The following DLC1 variants were observed in gnomAD, a reference collection of about 807,000 sequenced individuals.
DLC1 encodes the protein DLC1 Rho GTPase activating protein.
A neutral mutation model predicts 140.3 loss-of-function variants in DLC1; 54 were observed. The observed-to-expected ratio is 0.38, with a 90% confidence interval of 0.31 to 0.48. DLC1 has a LOEUF of 0.48. DLC1 is among the 20% of genes least tolerant of loss of function. The pLI is 0.96. For missense variants in DLC1, 2,536 were observed against 1,907.0 expected, an observed-to-expected ratio of 1.33 and a Z score of -6.14; for synonymous variants, 986 against 728.1, an observed-to-expected ratio of 1.35 and a Z score of -5.70.
At chr8:13,336,816 A>C (rs1440647040) in intron 4 of DLC1, among the ~76,000 whole-genome samples, 1 of 152,180 alleles carries the variant, frequency 6.6e-6, no homozygotes, top group Non-Finnish European at 1.5e-5. Flanking sequence ...ACCCAAATAT[A>C]AATGGATATT....
At chr8:13,574,981 A>G (rs6991590) in intron 1 of DLC1, among the ~76,000 whole-genome samples, 36,428 of 152,130 alleles carry the variant, frequency 0.24, 4,519 homozygotes, top group Middle Eastern at 0.3. Flanking sequence ...CTCTCCCTCA[A>G]TTTTGCCTAA....
chr8:13,466,724 A>G (rs1369162684), intron 2 of DLC1, among the ~76,000 whole-genome samples: 3 of 152,320 alleles, frequency 2.0e-5, no homozygotes, highest in Non-Finnish European at 2.9e-5. Flanking sequence ...CTCTTTCCTA[A>G]CTGATCTTCC....
At chr8:13,173,398 A>AGTCTTG (rs1825593669) in intron 5 of DLC1, among the ~76,000 whole-genome samples, 1 of 93,912 alleles carries the variant, frequency 1.1e-5, no homozygotes, top group Non-Finnish European at 1.9e-5. Flanking sequence ...TTTGAGACGG[A>AGTCTTG]GTCTTGCTCT....
chr8:13,568,002 A>T, intron 1 of DLC1: 1 of 1,471,354 alleles, frequency 6.8e-7, no homozygotes, highest in Non-Finnish European at 9.0e-7. Context: ...TAATTTCTAC[A>T]GGCACTTGGG....
At chr8:13,137,936 G>A (rs775243699) in intron 5 of DLC1, among the ~76,000 whole-genome samples, 6 of 152,044 alleles carry the variant, frequency 3.9e-5, no homozygotes, top group African/African-American at 7.2e-5. Flanking sequence ...AGGGGTATCC[G>A]TGGCCACTGT....
intron 1 of DLC1, among the ~76,000 whole-genome samples, chr8:13,566,124 A>G (rs929148348): frequency 6.6e-6 from 1 of 151,978 alleles, no homozygotes; most frequent in Non-Finnish European, 1.5e-5. Context: ...AGCCTTCATA[A>G]TCAGATACTC....
intron 1 of DLC1, among the ~76,000 whole-genome samples, chr8:13,540,399 A>G (rs143031487): frequency 2.5e-4 from 38 of 152,294 alleles, no homozygotes; most frequent in African/African-American, 7.2e-4. Context: ...TTAATGGATT[A>G]TTTTTGTGGT....
chr8:13,115,440 TG>T lies in DLC1; in HGVS notation c.1420+145del, dbSNP rs1032075944. Reference sequence around the variant, plus strand: ...AGGTGCTAGCTTTTGTTTTCAGCGGTGGGGGTCTTGCATGCTTACAACATTT... The same window carrying T: ...AGGTGCTAGCTTTTGTTTTCAGCGGTGGGGTCTTGCATGCTTACAACATTT... On this transcript the variant is annotated intron_variant, in intron 6 of 17. Coordinates refer to ENST00000276297, the MANE Select transcript of DLC1 (RefSeq NM_182643.3). The T allele has an allele frequency of 1.5e-5, 11 of 724,582 alleles. No homozygotes were observed. The African/African-American group carries it at 1.8e-4, about 12-fold the overall frequency. The allele number at this position is 724,582 out of a possible 1,614,324, so 44.9% of individuals were successfully genotyped here. A position where few individuals can be genotyped will look rare whatever the true frequency, so the allele number is the denominator to read the frequency against.
intron 6 of DLC1, among the ~76,000 whole-genome samples, chr8:13,112,624 A>G (rs898619916): frequency 6.6e-6 from 1 of 152,256 alleles, no homozygotes; most frequent in African/African-American, 2.4e-5. Context: ...CTTATAGTCA[A>G]TGGAAACTGG....
At chr8:13,246,319 T>C (rs1453704433) in intron 5 of DLC1, among the ~76,000 whole-genome samples, 2 of 152,236 alleles carry the variant, frequency 1.3e-5, no homozygotes, top group Non-Finnish European at 1.5e-5. Flanking sequence ...ACTTCTTTTA[T>C]TTTATAAGAT....
chr8:13,564,091 A>T (rs965839288), intron 1 of DLC1, among the ~76,000 whole-genome samples: 3 of 152,136 alleles, frequency 2.0e-5, no homozygotes, highest in African/African-American at 7.2e-5. Flanking sequence ...ATCTGCAGTA[A>T]ACCTATATTA....
intron 2 of DLC1, among the ~76,000 whole-genome samples, chr8:13,409,738 A>G (rs753608061): frequency 2.0e-5 from 3 of 152,182 alleles, no homozygotes; most frequent in Non-Finnish European, 4.4e-5. Flanking sequence ...CTTTGAATGA[A>G]TAAATAGTAT....
intron 5 of DLC1, among the ~76,000 whole-genome samples, chr8:13,182,445 T>C (rs1048172639): frequency 1.3e-5 from 2 of 152,190 alleles, no homozygotes; most frequent in African/African-American, 4.8e-5. Flanking sequence ...AGGGTTTTTA[T>C]GGTTTTAGGT....
At position 13,512,030 on chromosome 8, in the gene DLC1, T is replaced by C. The variant is rs116992264; in HGVS notation, c.-126+2572A>G. Among the ~76,000 whole-genome samples the C allele has an allele frequency of 6.6e-4, 100 of 152,232 alleles. 2 individuals are homozygous for C. In the East Asian group the frequency reaches 0.018, roughly 27 times the overall value. On this transcript the variant is annotated intron_variant, in intron 1 of 17. Transcript: ENST00000276297. The stretch of plus-strand genomic sequence containing the variant: ...AGAGAAAAAATTCTTTTTTTTAAAT[T>C]ATAATGTCCTTATGAAGAAAATGAA...
At chr8:13,562,912 A>C (rs199729391) in intron 1 of DLC1, among the ~76,000 whole-genome samples, 1 of 96,768 alleles carries the variant, frequency 1.0e-5, no homozygotes, top group African/African-American at 3.9e-5. Flanking sequence ...AGAAAAAAAC[A>C]AAAAAAAAAC....
upstream of DLC1, chr8:13,515,560 T>G (rs1802560748): frequency 6.6e-6 from 1 of 152,198 alleles, no homozygotes; most frequent in Non-Finnish European, 1.5e-5. Flanking sequence ...CACTTACAAC[T>G]GCTTCCATCT....
At position 13,493,076 on chromosome 8, in the gene DLC1, A is replaced by G. The variant is rs567931009; in HGVS notation, c.1023+5973T>C. Among the ~76,000 whole-genome samples, 7 of 152,332 alleles carry G rather than the reference A, an allele frequency of 4.6e-5. No individual in the cohort carries two copies. The South Asian group carries it at 1.4e-3, about 32-fold the overall frequency. ...TTACACACCAACTAACCACTTGGAA[A>G]TAAGTTTCATTGCCAGCTCCAGTCT... On this transcript the variant is annotated intron_variant, in intron 2 of 17. Coordinates refer to ENST00000276297, the MANE Select transcript of DLC1 (RefSeq NM_182643.3).
intron 4 of DLC1, among the ~76,000 whole-genome samples, chr8:13,351,527 G>A (rs1381463155): frequency 6.6e-6 from 1 of 152,186 alleles, no homozygotes; most frequent in Non-Finnish European, 1.5e-5. Flanking sequence ...AAAAGTGACA[G>A]AATATATTGT....
intron 5 of DLC1, among the ~76,000 whole-genome samples, chr8:13,207,408 CACGGCTTTTAAAATCAAGTATT>C (rs1372712188): frequency 6.6e-6 from 1 of 152,136 alleles, no homozygotes; most frequent in African/African-American, 2.4e-5. Context: ...TTTCTACCTT[CACGGCTTTTAAAATCAAGTATT>C]AAACTGCAGT....
Sources: gnomAD v4.1 joint callset for allele counts (sites outside exome capture counted in the v4.1 genomes callset) on GRCh38, gnomAD v4.1.1 for gene constraint, MANE v1.5 for transcripts, NCBI Gene and HGNC (gene_info 2026-07-23, HGNC 2026-07-21) for gene names.